Variants in LYN observed in about 807,000 individuals in gnomAD.
LYN encodes the protein tyrosine-protein kinase Lyn.
Under a neutral mutation model 65.0 loss-of-function variants are expected in LYN, and 12 were observed. The ratio of observed to expected loss-of-function variants is 0.18; its 90% confidence interval spans 0.12 to 0.30. The LOEUF (loss-of-function observed/expected upper bound fraction) is 0.30, where lower values mean the gene tolerates loss of function less well. LYN is among the 10% of genes least tolerant of loss of function. The pLI is 1.00. For synonymous variants in LYN, 222 were observed against 221.2 expected (o/e 1.00, Z -0.03); for missense variants, 380 against 623.2 (o/e 0.61, Z 4.16).
At chr8:55,905,765 G>A (rs1233633824) in intron 1 of LYN, among the ~76,000 whole-genome samples, 4 of 152,104 alleles carry the variant, frequency 2.6e-5, no homozygotes, top group South Asian at 2.1e-4. Flanking sequence ...CCAAAACAGC[G>A]TTGCCTTGTC....
Position 56,010,343 on chromosome 8 carries a change from A to G in LYN, c.*233A>G, listed in dbSNP as rs1808780272. The G allele has an allele frequency of 7.9e-6, 4 of 504,966 alleles. No individual in the cohort carries two copies. Among genetic ancestry groups the G allele is most frequent in the Non-Finnish European group, 1.4e-5 (4 of 277,814 alleles). The allele number at this position is 504,966 out of a possible 1,614,324, so 31.3% of individuals were successfully genotyped here. A position where few individuals can be genotyped will look rare whatever the true frequency, so the allele number is the denominator to read the frequency against. On this transcript the variant is annotated 3_prime_UTR_variant, in exon 13 of 13. Coordinates refer to ENST00000519728, the MANE Select transcript of LYN (RefSeq NM_002350.4). ...TTGGACTTGTCCTCAGCAGCTGGTA[A>G]TCTTGCTCTGCTTGACAACATCTGA... is the stretch of plus-strand genomic sequence containing the variant.
intron 2 of LYN, among the ~76,000 whole-genome samples, chr8:55,943,264 A>T (rs1412259633): frequency 6.6e-6 from 1 of 152,172 alleles, no homozygotes; most frequent in Non-Finnish European, 1.5e-5. Flanking sequence ...TGCAGCATTT[A>T]AGCTGGAAAC....
intron 10 of LYN, among the ~76,000 whole-genome samples, chr8:55,977,071 G>A (rs1001037857): frequency 2.0e-5 from 3 of 152,136 alleles, no homozygotes; most frequent in Non-Finnish European, 4.4e-5. Flanking sequence ...TGTAATCCCA[G>A]CTACTCAGGA....
chr8:56,011,184 A>G lies in LYN; in HGVS notation c.*1074A>G, dbSNP rs1389071180. On this transcript the variant is annotated 3_prime_UTR_variant, in exon 13 of 13. Transcript: ENST00000519728. ...TATGAGACTATTTATACCCAAGGAT[A>G]TGAAGGAACATAAGTGACTACAAGG... is the stretch of plus-strand genomic sequence containing the variant. 1.3e-4 allele frequency: 29 copies of G among 227,790 alleles called. No individual in the cohort carries two copies. The highest frequency in any genetic ancestry group is 2.6e-5 in the Non-Finnish European group (3 of 114,762). 14.1% of individuals were successfully genotyped at this position (227,790 alleles called of 1,614,324 possible). A position where few individuals can be genotyped will look rare whatever the true frequency, so the allele number is the denominator to read the frequency against.
At chr8:55,981,916 A>G (rs1807938917) in intron 10 of LYN, among the ~76,000 whole-genome samples, 1 of 152,226 alleles carries the variant, frequency 6.6e-6, no homozygotes, top group South Asian at 2.1e-4. Context: ...TAAATGAAGT[A>G]TTTGACATTG....
intron 10 of LYN, among the ~76,000 whole-genome samples, chr8:55,995,145 G>A (rs537263305): frequency 4.4e-4 from 67 of 152,100 alleles, no homozygotes; most frequent in Non-Finnish European, 8.7e-4. Flanking sequence ...ACTCTAGAAG[G>A]AGCTATCCTG....
intron 1 of LYN, among the ~76,000 whole-genome samples, chr8:55,925,696 A>C (rs1585605278): frequency 6.6e-6 from 1 of 152,188 alleles, no homozygotes; most frequent in Non-Finnish European, 1.5e-5. Context: ...GAACGGAAAC[A>C]CCATCTAGAG....
At chr8:55,919,945 C>A (rs1203715439) in intron 1 of LYN, among the ~76,000 whole-genome samples, 1 of 152,150 alleles carries the variant, frequency 6.6e-6, no homozygotes, top group African/African-American at 2.4e-5. Context: ...CACGTGACCC[C>A]ACTCTTTGCT....
chr8:55,955,451 C>G (rs1302645196), intron 8 of LYN, among the ~76,000 whole-genome samples: 3 of 152,154 alleles, frequency 2.0e-5, no homozygotes, highest in African/African-American at 4.8e-5. Context: ...TGAGTGCTCA[C>G]TCTGAATGTT....
chr8:55,996,884 C>T (rs1397961537), intron 10 of LYN, among the ~76,000 whole-genome samples: 3 of 152,012 alleles, frequency 2.0e-5, no homozygotes, highest in Non-Finnish European at 4.4e-5. Context: ...AATTTCAGCA[C>T]TTTGGGAGGC....
chr8:56,004,036 G>T (rs1018483345), intron 12 of LYN, among the ~76,000 whole-genome samples: 1 of 146,488 alleles, frequency 6.8e-6, no homozygotes, highest in Admixed American at 7.0e-5. Flanking sequence ...GAGTTCAAGC[G>T]ATTCTCCTGC....
intron 10 of LYN, among the ~76,000 whole-genome samples, chr8:55,972,996 C>T (rs906341558): frequency 3.9e-5 from 6 of 152,180 alleles, no homozygotes; most frequent in African/African-American, 1.2e-4. Flanking sequence ...TTAAATTCAG[C>T]AGATTGTCAC....
intron 1 of LYN, among the ~76,000 whole-genome samples, chr8:55,906,433 C>G (rs1805421452): frequency 6.6e-6 from 1 of 152,056 alleles, no homozygotes; most frequent in South Asian, 2.1e-4. Context: ...GATTTCGGTT[C>G]ACTGCAACTT....
intron 1 of LYN, among the ~76,000 whole-genome samples, chr8:55,891,418 A>G (rs1017041994): frequency 6.6e-6 from 1 of 152,130 alleles, no homozygotes; most frequent in Non-Finnish European, 1.5e-5. Flanking sequence ...ACATCATGCT[A>G]AGTGAAATAA....
chr8:55,905,989 A>G (rs953002412), intron 1 of LYN, among the ~76,000 whole-genome samples: 3 of 152,246 alleles, frequency 2.0e-5, no homozygotes, highest in Non-Finnish European at 2.9e-5. Flanking sequence ...GCATAGTTCT[A>G]CATAACTCAC....
chr8:55,913,680 G>C (rs1805703208), intron 1 of LYN, among the ~76,000 whole-genome samples: 2 of 152,238 alleles, frequency 1.3e-5, no homozygotes, highest in African/African-American at 4.8e-5. Flanking sequence ...TAGGACGTGA[G>C]ACAAGTGCTC....
Position 55,950,663 on chromosome 8 carries a change from G to T in LYN, c.384-18G>T, listed in dbSNP as rs1806916049. On this transcript the variant is annotated intron_variant, in intron 5 of 12. Transcript: ENST00000519728. ...CCGTGGAACATAATATGCAGGAAAT[G>T]TTGAAATGTCTTCACAGGTGGTTTT... 1 of 1,599,538 alleles carries T rather than the reference G, an allele frequency of 6.3e-7. No individual in the cohort carries two copies. Among genetic ancestry groups the T allele is most frequent in the African/African-American group, 1.3e-5 (1 of 74,762 alleles).
chr8:55,904,040 T>A (rs1196785535), intron 1 of LYN, among the ~76,000 whole-genome samples: 1 of 152,092 alleles, frequency 6.6e-6, no homozygotes, highest in Admixed American at 6.6e-5. Context: ...ATGTAGAGCT[T>A]GGAGTTTCAA....
chr8:55,891,867 CAG>C (rs979481864), intron 1 of LYN, among the ~76,000 whole-genome samples: 1 of 152,102 alleles, frequency 6.6e-6, no homozygotes, highest in African/African-American at 2.4e-5. Context: ...ACTTTTTTGG[CAG>C]AGAGAGGACA....
Sources: allele counts gnomAD v4.1 joint callset (sites outside exome capture counted in the v4.1 genomes callset), GRCh38; gene constraint gnomAD v4.1.1; transcripts MANE v1.5; gene names NCBI Gene and HGNC (gene_info 2026-07-23, HGNC 2026-07-21).